The following GPHN variants were observed in gnomAD, a reference collection of about 807,000 sequenced individuals.
GPHN encodes gephyrin.
GPHN carries 17 observed loss-of-function variants against 95.5 expected under a neutral mutation model. That is an observed-to-expected ratio of 0.18 (90% CI 0.12 to 0.27). The LOEUF is 0.27. GPHN is among the 10% of genes least tolerant of loss of function. The probability of loss-of-function intolerance (pLI) is 1.00; values close to 1 mark genes in which losing one functional copy is unlikely to be tolerated. For missense variants in GPHN, 660 were observed against 978.1 expected, an observed-to-expected ratio of 0.67 and a Z score of 4.34; for synonymous variants, 320 against 322.5, an observed-to-expected ratio of 0.99 and a Z score of 0.08.
chr14:66,899,476 A>C (rs2065025468), intron 5 of GPHN, among the ~76,000 whole-genome samples: 1 of 151,868 alleles, frequency 6.6e-6, no homozygotes, highest in Non-Finnish European at 1.5e-5. Context: ...ATCATGGATC[A>C]GTGTTTGATT....
chr14:66,634,112 T>C (rs1160948668), intron 1 of GPHN, among the ~76,000 whole-genome samples: 1 of 152,154 alleles, frequency 6.6e-6, no homozygotes, highest in Non-Finnish European at 1.5e-5. Context: ...ACATATTTTC[T>C]TTTCTTTGGG....
intron 3 of GPHN, among the ~76,000 whole-genome samples, chr14:66,796,626 C>A (rs1488176605): frequency 1.3e-5 from 2 of 151,782 alleles, no homozygotes; most frequent in Non-Finnish European, 3.0e-5. Context: ...TTTTCATATG[C>A]CTATTTGCCA....
At chr14:67,404,309 T>TTTACTCATA in the GPHN span, among the ~76,000 whole-genome samples, 1 of 152,042 alleles carries the variant, frequency 6.6e-6, no homozygotes, top group African/African-American at 2.4e-5. Flanking sequence ...GCAAAGCACT[T>TTTACTCATA]TTACTCATAT....
At chr14:66,672,718 C>T (rs937694930) in intron 1 of GPHN, among the ~76,000 whole-genome samples, 14 of 152,266 alleles carry the variant, frequency 9.2e-5, no homozygotes, top group South Asian at 6.2e-4. Context: ...GAAATTAATA[C>T]GCTACCTTCA....
At chr14:67,095,762 C>T (rs986027060) in intron 12 of GPHN, among the ~76,000 whole-genome samples, 2 of 151,794 alleles carry the variant, frequency 1.3e-5, no homozygotes, top group African/African-American at 4.8e-5. Flanking sequence ...GGGAACATCA[C>T]ACTCTGGGGA....
intron 11 of GPHN, among the ~76,000 whole-genome samples, chr14:67,068,215 A>G (rs1004724462): frequency 2.6e-5 from 4 of 152,202 alleles, no homozygotes; most frequent in Admixed American, 6.5e-5. Flanking sequence ...ATCAATGTAA[A>G]CATTATTCTT....
intron 2 of GPHN, among the ~76,000 whole-genome samples, chr14:66,705,240 A>C (rs1397746009): frequency 2.6e-5 from 4 of 152,256 alleles, no homozygotes; most frequent in African/African-American, 9.6e-5. Flanking sequence ...AGAAGTACAA[A>C]GAGGAGATGG....
intron 5 of GPHN, among the ~76,000 whole-genome samples, chr14:66,910,906 T>G (rs2065640989): frequency 6.6e-6 from 1 of 151,996 alleles, no homozygotes; most frequent in Non-Finnish European, 1.5e-5. Context: ...ACATATGTAA[T>G]ATTGTGCAGC....
intron 12 of GPHN, among the ~76,000 whole-genome samples, chr14:67,095,550 C>T (rs1466309683): frequency 2.0e-5 from 3 of 152,078 alleles, no homozygotes; most frequent in Admixed American, 6.6e-5. Flanking sequence ...CAATGATAGA[C>T]TGGATTAAGA....
intron 2 of GPHN, among the ~76,000 whole-genome samples, chr14:66,683,343 T>TGTTC (rs371854980): frequency 5.5e-4 from 25 of 45,132 alleles, no homozygotes; most frequent in Admixed American, 1.6e-3. Flanking sequence ...TATATATATA[T>TGTTC]ATATATATAT....
At chr14:67,315,920 G>A in the GPHN span, among the ~76,000 whole-genome samples, 15 of 152,240 alleles carry the variant, frequency 9.9e-5, no homozygotes, top group African/African-American at 3.6e-4. Flanking sequence ...GCGAGACTTC[G>A]TCTCAAAAGA....
At chr14:67,621,865 G>A in the GPHN span, among the ~76,000 whole-genome samples, 1 of 151,444 alleles carries the variant, frequency 6.6e-6, no homozygotes, top group Non-Finnish European at 1.5e-5. Flanking sequence ...GGGAGGCCAA[G>A]GTGGGTGGAT....
chr14:67,431,041 G>A, the GPHN span, among the ~76,000 whole-genome samples: 1 of 152,152 alleles, frequency 6.6e-6, no homozygotes, highest in Non-Finnish European at 1.5e-5. Context: ...GGAAATCCAT[G>A]GCAGGCATGA....
chr14:67,617,798 G>T, the GPHN span, among the ~76,000 whole-genome samples: 2 of 152,120 alleles, frequency 1.3e-5, no homozygotes, highest in African/African-American at 2.4e-5. Context: ...TTGGCTCACC[G>T]CAATCTCCGC....
the GPHN span, among the ~76,000 whole-genome samples, chr14:67,195,009 A>G: frequency 6.6e-6 from 1 of 152,146 alleles, no homozygotes; most frequent in African/African-American, 2.4e-5. Context: ...CCAAGCCTGG[A>G]CTAATTAACT....
At chr14:67,248,074 G>A in the GPHN span, among the ~76,000 whole-genome samples, 1 of 152,124 alleles carries the variant, frequency 6.6e-6, no homozygotes, top group East Asian at 1.9e-4. Context: ...GTATTGAGAT[G>A]ATTGTGTGAA....
At chr14:66,737,008 T>A (rs1293366224) in intron 2 of GPHN, among the ~76,000 whole-genome samples, 1 of 152,224 alleles carries the variant, frequency 6.6e-6, no homozygotes, top group Non-Finnish European at 1.5e-5. Context: ...GTCCTAAAAT[T>A]ATTATATGTT....
intron 1 of GPHN, among the ~76,000 whole-genome samples, chr14:66,676,928 T>C (rs1252399612): frequency 6.6e-6 from 1 of 152,066 alleles, no homozygotes; most frequent in East Asian, 1.9e-4. Context: ...CTGGGCTTTT[T>C]GTTGGGAGAC....
At chr14:67,065,442 A>G (rs989558516) in intron 11 of GPHN, among the ~76,000 whole-genome samples, 2 of 152,174 alleles carry the variant, frequency 1.3e-5, no homozygotes, top group Non-Finnish European at 2.9e-5. Flanking sequence ...GTAGATGTCT[A>G]TTAGGTCTGC....
Sources: gnomAD v4.1 joint callset for allele counts (sites outside exome capture counted in the v4.1 genomes callset) on GRCh38, gnomAD v4.1.1 for gene constraint, MANE v1.5 for transcripts, NCBI Gene and HGNC (gene_info 2026-07-23, HGNC 2026-07-21) for gene names.